The following TDRD1 variants were observed in gnomAD, a reference collection of about 807,000 sequenced individuals.
The protein encoded by TDRD1 is tudor domain-containing protein 1.
A neutral mutation model predicts 140.6 loss-of-function variants in TDRD1; 37 were observed. The observed-to-expected ratio is 0.26, with a 90% CI of 0.20 to 0.35. TDRD1 has a LOEUF of 0.35. Among genes scored for constraint, TDRD1 ranks in the 10% least tolerant of loss-of-function variants. The pLI is 1.00. For missense variants in TDRD1, 1,243 were observed against 1,393.0 expected (o/e 0.89, Z 1.71); for synonymous variants, 506 against 475.7 (o/e 1.06, Z -0.83).
chr10:114,191,127 G>A, intron 3 of TDRD1, 108 bp downstream of exon 3: 6 of 1,232,068 alleles, frequency 4.9e-6, no homozygotes. Flanking sequence ...AAGATCAAAT[G>A]TTTTTTCTTT....
chr10:114,190,017 T>C (rs1400990578), intron 2 of TDRD1, among the ~76,000 whole-genome samples: 1 of 152,230 alleles, frequency 6.6e-6, no homozygotes, highest in African/African-American at 2.4e-5. Flanking sequence ...TATCCTTCTA[T>C]TATTTGCCTT....
At chr10:114,179,824 AGTTT>A (rs1372383852) in intron 1 of TDRD1, 2 of 152,190 alleles carry the variant, frequency 1.3e-5, no homozygotes, top group African/African-American at 2.4e-5. Context: ...AGCTGGCGCT[AGTTT>A]GTTTAAGGAG....
At chr10:114,186,499 C>T (rs1589656062) in intron 1 of TDRD1, among the ~76,000 whole-genome samples, 3 of 140,234 alleles carry the variant, frequency 2.1e-5, no homozygotes, top group East Asian at 3.9e-4. Context: ...CTCCTGACCT[C>T]GTGATCCCGC....
Position 114,221,478 on chromosome 10 carries a change from T to C in TDRD1, c.2890+2T>C. ...ATGCTCTACCAAAAGGGATGCCAGG[T>C]AAGAAACCAAAATTTGAGACATATT... On this transcript the variant is annotated splice_donor_variant, in intron 20 of 25. Coordinates refer to ENST00000251864, the Ensembl canonical transcript of TDRD1. LOFTEE classifies it high-confidence loss of function. The C allele has an allele frequency of 6.2e-7, 1 of 1,610,582 alleles. No individual in the cohort carries two copies. The highest frequency in any genetic ancestry group is 1.1e-5 in the South Asian group (1 of 90,022).
rs1296392305 is a variant in TDRD1 at position 114,213,986 on chromosome 10, G to A, written c.2084G>A (p.Gly695Asp). The change falls in exon 16 of 26, where the codon GGT becomes GAT. Residue 695 changes from glycine (G) to aspartate (D), a missense_variant. Around this residue, in one of 5 missense-constraint regions of TDRD1, gnomAD observed 601 missense variants for 734.7 expected, o/e 0.82. Coordinates refer to ENST00000251864, the Ensembl canonical transcript of TDRD1. Reference sequence around the variant, plus strand: ...TTAATTATTTTCACAGTTCCCTTGGGTGTGGAAGGAAAAGTAAATCCATTG... The same window carrying A: ...TTAATTATTTTCACAGTTCCCTTGGATGTGGAAGGAAAAGTAAATCCATTG... 1.2e-6 allele frequency: 2 copies of A among 1,613,804 alleles called. No individual in the cohort carries two copies. Among genetic ancestry groups the A allele is most frequent in the Non-Finnish European group, 1.7e-6 (2 of 1,179,878 alleles).
chr10:114,184,217 T>C lies in TDRD1; in HGVS notation c.-6-3609T>C, dbSNP rs1041618346. ...ATAGGGTTGAATGCTTTTCCCCTTATGTTTATGAACTTACCTTCTTCCTCT... is the reference window on the plus strand; with the variant it reads ...ATAGGGTTGAATGCTTTTCCCCTTACGTTTATGAACTTACCTTCTTCCTCT... On this transcript the variant is annotated intron_variant, in intron 1 of 25. Coordinates refer to ENST00000251864, the Ensembl canonical transcript of TDRD1. Among the ~76,000 whole-genome samples the C allele has an allele frequency of 2.0e-5, 3 of 152,142 alleles. No individual in the cohort carries two copies. The South Asian group carries it at 6.2e-4, about 32-fold the overall frequency.
chr10:114,223,116 A>G (rs1312120459), intron 21 of TDRD1, among the ~76,000 whole-genome samples: 1 of 152,234 alleles, frequency 6.6e-6, no homozygotes, highest in African/African-American at 2.4e-5. Flanking sequence ...CTCCGTTTTA[A>G]TGTCTCATTT....
intron 25 of TDRD1, among the ~76,000 whole-genome samples, chr10:114,230,886 G>T (rs1193422823): frequency 6.6e-6 from 1 of 152,066 alleles, no homozygotes; most frequent in Non-Finnish European, 1.5e-5. Flanking sequence ...CCAACATGGT[G>T]AAACTTTGTC....
chr10:114,205,817 G>T (rs891706599), intron 10 of TDRD1, among the ~76,000 whole-genome samples: 1 of 152,064 alleles, frequency 6.6e-6, no homozygotes, highest in Non-Finnish European at 1.5e-5. Context: ...AGCACAATAG[G>T]GTGACTGTAG....
rs115691794 is a variant in TDRD1 at position 114,188,222 on chromosome 10, A to G, written c.325+66A>G. The G allele has an allele frequency of 1.2e-3, 1,653 of 1,394,724 alleles. 21 individuals are homozygous for G. The African/African-American group carries it at 0.02, about 17-fold the overall frequency. 86.4% of individuals were successfully genotyped at this position (1,394,724 alleles called of 1,614,324 possible). ...GGTTTCTGTGACTTACCAGAAGTAT[A>G]TATAACCACACACCAGTGGGCTATT... On this transcript the variant is annotated intron_variant, in intron 2 of 25. Coordinates refer to ENST00000251864, the Ensembl canonical transcript of TDRD1.
At chr10:114,225,842 G>GC (rs1260227295) in intron 21 of TDRD1, among the ~76,000 whole-genome samples, 19 of 148,632 alleles carry the variant, frequency 1.3e-4, no homozygotes, top group Non-Finnish European at 1.5e-4. Context: ...GGGCTGCAGA[G>GC]CCAGACCCTG....
At chr10:114,209,614 A>C (rs185377534) in intron 11 of TDRD1, among the ~76,000 whole-genome samples, 26 of 152,198 alleles carry the variant, frequency 1.7e-4, no homozygotes, top group Admixed American at 3.9e-4. Flanking sequence ...CCAATTATCC[A>C]TTTCAATGGG....
chr10:114,228,167 C>T, intron 25 of TDRD1: 1 of 1,529,574 alleles, frequency 6.5e-7, no homozygotes, highest in Non-Finnish European at 8.8e-7. Context: ...CTTCTGTGAT[C>T]ACCAATAGGA....
chr10:114,184,624 A>G lies in TDRD1; in HGVS notation c.-6-3202A>G, dbSNP rs186731762. ...GTAGCTGGCAAATCAGAGGTTGAAT[A>G]GCGTTTGAGTCTGCTACAGTTTCTG... On this transcript the variant is annotated intron_variant, in intron 1 of 25. Transcript: ENST00000251864. Among the ~76,000 whole-genome samples the G allele has an allele frequency of 2.0e-5, 3 of 152,360 alleles. No individual in the cohort carries two copies. In the East Asian group the frequency reaches 5.8e-4, roughly 29 times the overall value.
downstream of TDRD1, among the ~76,000 whole-genome samples, chr10:114,232,504 C>CTTTTTTTTTTT (rs140805425): frequency 3.9e-3 from 321 of 81,706 alleles, no homozygotes; most frequent in East Asian, 8.0e-3. Flanking sequence ...ACTTGAAAGA[C>CTTTTTTTTTTT]TTTTTTTTTT....
At chr10:114,202,211 A>T in intron 5 of TDRD1, 27 bp from the exon 6 acceptor site, 1 of 1,577,866 alleles carries the variant, frequency 6.3e-7, no homozygotes, top group Non-Finnish European at 8.6e-7. Context: ...TGTAGTATAA[A>T]TATTGTAATC....
At chr10:114,174,968 T>C (rs928300542), upstream of TDRD1, among the ~76,000 whole-genome samples, 4 of 152,224 alleles carry the variant, frequency 2.6e-5, no homozygotes, top group African/African-American at 9.7e-5. Context: ...GGTTTAGGTC[T>C]TACACATATC....
chr10:114,204,043 A>C, intron 8 of TDRD1, 30 bp from the exon 9 acceptor site: 1 of 1,580,586 alleles, frequency 6.3e-7, no homozygotes. Flanking sequence ...TGCTGTTATG[A>C]AGCAGAGTAC....
At chr10:114,227,227 G>A in exon 23 of TDRD1, 1 of 1,614,186 alleles carries the variant, frequency 6.2e-7, no homozygotes, top group Non-Finnish European at 8.5e-7. Flanking sequence ...GACTGTCGAT[G>A]TAGCTGATAA....
Sources: allele counts gnomAD v4.1 joint callset (sites outside exome capture counted in the v4.1 genomes callset), GRCh38; gene constraint gnomAD v4.1.1; regional missense constraint gnomAD v4.1.1; transcripts MANE v1.5; gene names NCBI Gene and HGNC (gene_info 2026-07-23, HGNC 2026-07-21).